KLHL1: variants seen among roughly 807,000 people sequenced by gnomAD.
KLHL1 encodes kelch like family member 1, also known as kelch-like protein 1.
Under a neutral mutation model 77.7 loss-of-function variants are expected in KLHL1, and 47 were observed. That is an observed-to-expected ratio of 0.60 (90% confidence interval 0.48 to 0.77). The LOEUF (loss-of-function observed/expected upper bound fraction) is 0.77. Among genes scored for constraint, KLHL1 ranks in the 30% least tolerant of loss-of-function variants. KLHL1 has a pLI of 0.00. For synonymous variants in KLHL1, 360 were observed against 325.2 expected, an observed-to-expected ratio of 1.11 and a Z score of -1.15; for missense variants, 925 against 910.8, an observed-to-expected ratio of 1.02 and a Z score of -0.20.
intron 1 of KLHL1, among the ~76,000 whole-genome samples, chr13:70,017,542 A>G (rs1885688234): frequency 6.6e-6 from 1 of 152,024 alleles, no homozygotes; most frequent in Admixed American, 6.6e-5. Context: ...CACACCCCTC[A>G]CTGCTCCACA....
At chr13:69,725,179 T>C (rs1873241090) in intron 8 of KLHL1, among the ~76,000 whole-genome samples, 1 of 152,230 alleles carries the variant, frequency 6.6e-6, no homozygotes, top group Admixed American at 6.5e-5. Flanking sequence ...TCACTATCTT[T>C]ATCTTCCAAC....
At chr13:69,952,279 C>G (rs1462777590) in intron 3 of KLHL1, among the ~76,000 whole-genome samples, 1 of 151,346 alleles carries the variant, frequency 6.6e-6, no homozygotes, top group African/African-American at 2.4e-5. Flanking sequence ...GCATATGTTT[C>G]CAAGTAGTAT....
intron 3 of KLHL1, among the ~76,000 whole-genome samples, chr13:69,955,252 G>A (rs935584757): frequency 6.6e-6 from 1 of 151,260 alleles, no homozygotes; most frequent in Non-Finnish European, 1.5e-5. Context: ...TATTAAAGCA[G>A]GACATTAAAC....
intron 4 of KLHL1, among the ~76,000 whole-genome samples, chr13:69,923,973 G>T (rs868554495): frequency 1.3e-5 from 2 of 152,178 alleles, no homozygotes; most frequent in African/African-American, 4.8e-5. Context: ...TCCTACTCCC[G>T]GCACCTGCTC....
In KLHL1 at chr13:69,813,313, G is replaced by A. The variant is rs1306978882; in HGVS notation, c.1415-16351C>T. Among the ~76,000 whole-genome samples, 9 of 146,012 alleles carry A rather than the reference G, an allele frequency of 6.2e-5. 1 individual carries two copies. The highest frequency in any genetic ancestry group is 4.2e-4 in the South Asian group (2 of 4,804). ...CACAGGAAGGGGAACATCACACACC[G>A]GGGCCTGTTGTGGGGTGGGGGGAGA... On this transcript the variant is annotated intron_variant, in intron 6 of 10. Coordinates refer to ENST00000377844, the MANE Select transcript of KLHL1 (RefSeq NM_020866.3).
intron 4 of KLHL1, among the ~76,000 whole-genome samples, chr13:69,916,814 TATATAA>T (rs1216177534): frequency 4.0e-5 from 6 of 151,880 alleles, no homozygotes; most frequent in African/African-American, 9.7e-5. Flanking sequence ...ATGTGAAACA[TATATAA>T]ATATAATTGG....
rs1203427311 is a variant in KLHL1 at position 69,756,107 on chromosome 13, A to G, written c.1640-15551T>C. ...CTTCACTTCAAAAGGAACCTGAGCC[A>G]CATAAGTAAGTTGACCCCCACCCTT... On this transcript the variant is annotated intron_variant, in intron 7 of 10. Transcript: ENST00000377844. 2.0e-5 allele frequency among the ~76,000 whole-genome samples: 3 copies of G among 152,110 alleles called. No homozygotes were observed. The East Asian group carries it at 5.8e-4, about 29-fold the overall frequency.
chr13:70,072,375 G>A, intron 1 of KLHL1, among the ~76,000 whole-genome samples: 1 of 152,106 alleles, frequency 6.6e-6, no homozygotes, highest in Non-Finnish European at 1.5e-5. Context: ...AGGTAGAAAT[G>A]ATGCCATTTT....
intron 4 of KLHL1, among the ~76,000 whole-genome samples, chr13:69,935,199 A>G (rs1593964200): frequency 6.6e-6 from 1 of 151,994 alleles, no homozygotes; most frequent in African/African-American, 2.4e-5. Flanking sequence ...AACGTGGTAC[A>G]TAGTTGGTAC....
chr13:69,809,794 G>A (rs949702738), intron 6 of KLHL1, among the ~76,000 whole-genome samples: 2 of 151,694 alleles, frequency 1.3e-5, no homozygotes, highest in African/African-American at 4.8e-5. Context: ...TCCTTCCACT[G>A]TCTTCCAGAG....
At chr13:69,790,568 AT>A (rs1185162898) in intron 7 of KLHL1, among the ~76,000 whole-genome samples, 1 of 151,574 alleles carries the variant, frequency 6.6e-6, no homozygotes, top group Non-Finnish European at 1.5e-5. Flanking sequence ...AAATAAAGAA[AT>A]ACAGCAAAAT....
At chr13:69,795,962 C>T (rs114509718) in intron 7 of KLHL1, among the ~76,000 whole-genome samples, 276 of 152,278 alleles carry the variant, frequency 1.8e-3, no homozygotes, top group African/African-American at 6.4e-3. Flanking sequence ...AGAGAAACTA[C>T]CTTAAGTTTC....
intron 4 of KLHL1, among the ~76,000 whole-genome samples, chr13:69,906,708 A>G (rs1192809574): frequency 6.6e-6 from 1 of 151,928 alleles, no homozygotes; most frequent in South Asian, 2.1e-4. Flanking sequence ...AAAGAGACAA[A>G]AATTTATATT....
intron 4 of KLHL1, among the ~76,000 whole-genome samples, chr13:69,893,117 G>A (rs1393226733): frequency 1.3e-5 from 2 of 151,148 alleles, no homozygotes; most frequent in East Asian, 3.9e-4. Flanking sequence ...GAAATTAAAA[G>A]CAAATGATAA....
chr13:70,080,146 T>A (rs1463325947), intron 1 of KLHL1, among the ~76,000 whole-genome samples: 1 of 152,200 alleles, frequency 6.6e-6, no homozygotes, highest in African/African-American at 2.4e-5. Flanking sequence ...TCTGAAAGGA[T>A]ACGTGTTGGC....
At chr13:69,721,079 A>ATATATATATATATATATATATATAT (rs1555300737) in intron 8 of KLHL1, among the ~76,000 whole-genome samples, 31 of 67,618 alleles carry the variant, frequency 4.6e-4, no homozygotes, top group South Asian at 8.6e-4. Flanking sequence ...ATATATATAT[A>ATATATATATATATATATATATATAT]AAGCTATGTA....
intron 6 of KLHL1, among the ~76,000 whole-genome samples, chr13:69,813,002 C>T (rs1877952103): frequency 6.7e-6 from 1 of 149,538 alleles, no homozygotes; most frequent in African/African-American, 2.5e-5. Context: ...ATAAATCATG[C>T]TGCTATAAAG....
chr13:69,907,567 T>C (rs1024836562), intron 4 of KLHL1, among the ~76,000 whole-genome samples: 2 of 151,996 alleles, frequency 1.3e-5, no homozygotes, highest in Admixed American at 1.3e-4. Context: ...TGGGTAGAGA[T>C]AGACAAGGTA....
At chr13:69,716,686 G>T (rs1163962828) in intron 9 of KLHL1, among the ~76,000 whole-genome samples, 3 of 152,094 alleles carry the variant, frequency 2.0e-5, no homozygotes, top group African/African-American at 7.2e-5. Flanking sequence ...TGGGACTGAT[G>T]CCTTTGAGCA....
Sources: allele counts gnomAD v4.1 joint callset (sites outside exome capture counted in the v4.1 genomes callset), GRCh38; gene constraint gnomAD v4.1.1; transcripts MANE v1.5; gene names NCBI Gene and HGNC (gene_info 2026-07-23, HGNC 2026-07-21).